The following RIF1 variants were observed in gnomAD, a reference collection of about 807,000 sequenced individuals.
RIF1 encodes telomere-associated protein RIF1.
A neutral mutation model predicts 247.1 loss-of-function variants in RIF1; 45 were observed. That is an observed-to-expected ratio of 0.18 (90% CI 0.14 to 0.23). The LOEUF (loss-of-function observed/expected upper bound fraction) is 0.23, where lower values mean the gene tolerates loss of function less well. RIF1 is among the 10% of genes least tolerant of loss of function. The pLI, the probability that RIF1 is intolerant of heterozygous loss-of-function variation, is 1.00. For synonymous variants in RIF1, 1,087 were observed against 978.8 expected, an observed-to-expected ratio of 1.11 and a Z score of -2.06; for missense variants, 2,967 against 2,862.5, an observed-to-expected ratio of 1.04 and a Z score of -0.83.
At chr2:151,528,504 T>C in the RIF1 span, among the ~76,000 whole-genome samples, 1 of 152,206 alleles carries the variant, frequency 6.6e-6, no homozygotes, top group Admixed American at 6.5e-5. Context: ...TTATCTCACA[T>C]CTGTCCTTCT....
chr2:151,461,027 T>C (rs1696074408), intron 26 of RIF1, 111 bp from the exon 27 acceptor site: 1 of 1,001,958 alleles, frequency 1.0e-6, no homozygotes, highest in South Asian at 1.6e-5. Context: ...TATCATCAAC[T>C]TTCATAATCA....
At chr2:151,420,757 C>G (rs1483459092) in intron 7 of RIF1, among the ~76,000 whole-genome samples, 1 of 138,350 alleles carries the variant, frequency 7.2e-6, no homozygotes, top group Admixed American at 7.1e-5. Context: ...AAAAAAAAAT[C>G]TGTCTGGGCA....
In RIF1 at chr2:151,501,018, T is replaced by C. The variant is rs149636338; in HGVS notation, c.*709+1478T>C. Among the ~76,000 whole-genome samples, 4 of 152,334 alleles carry C rather than the reference T, an allele frequency of 2.6e-5. No homozygotes were observed. The South Asian group carries it at 6.2e-4, about 24-fold the overall frequency. On this transcript the variant is annotated intron_variant and NMD_transcript_variant, in intron 11 of 13. Transcript: ENST00000454583. ...TCCTAAGGAAGAGCCACCATTTCTA[T>C]ATGTGGCTTCAAGTCCAGTATCTTT...
intron 18 of RIF1, 31 bp downstream of exon 18, chr2:151,443,740 T>C: frequency 7.3e-7 from 1 of 1,366,598 alleles, no homozygotes; most frequent in Non-Finnish European, 9.6e-7. Context: ...GTATTTTGGA[T>C]AATAGACCTT....
At chr2:151,498,021 T>G (rs1357275571) in intron 10 of RIF1, 11 of 1,439,732 alleles carry the variant, frequency 7.6e-6, no homozygotes, top group Middle Eastern at 3.6e-4. Flanking sequence ...GAACTCGGTG[T>G]TGTTATCCAC....
chr2:151,437,124 G>T, intron 12 of RIF1, 117 bp from the exon 13 acceptor site: 1 of 1,218,094 alleles, frequency 8.2e-7, no homozygotes, highest in South Asian at 1.5e-5. Context: ...TATGAAATAT[G>T]AATCTTTTTT....
At chr2:151,419,218 G>T (rs916794042) in intron 6 of RIF1, among the ~76,000 whole-genome samples, 17 of 151,596 alleles carry the variant, frequency 1.1e-4, no homozygotes, top group Admixed American at 9.9e-4. Flanking sequence ...AATACAAGTA[G>T]GAGTAAACTC....
chr2:151,518,899 G>T, the RIF1 span: 2 of 1,069,454 alleles, frequency 1.9e-6, no homozygotes, highest in Non-Finnish European at 2.9e-6. Flanking sequence ...ATGCATCTGG[G>T]CTCAGAAAGA....
At chr2:151,492,582 G>T in intron 9 of RIF1, 1 of 953,998 alleles carries the variant, frequency 1.0e-6, no homozygotes, top group Non-Finnish European at 1.6e-6. Flanking sequence ...GATAGGAGCT[G>T]GTGAGGGACG....
intron 9 of RIF1, chr2:151,492,098 C>G (rs765021842): frequency 6.2e-7 from 1 of 1,613,808 alleles, no homozygotes; most frequent in Non-Finnish European, 8.5e-7. Context: ...GCTCAGTTAC[C>G]TGTAATAGTC....
Position 151,464,052 on chromosome 2 carries a change from T to C in RIF1, c.4532T>C (p.Ile1511Thr). 2 of 1,612,696 alleles carry C rather than the reference T, an allele frequency of 1.2e-6. No homozygotes were observed. Among genetic ancestry groups the C allele is most frequent in the Non-Finnish European group, 8.5e-7 (1 of 1,179,650 alleles). The change falls in exon 30 of 36, where the codon ATT (isoleucine) becomes ACT (threonine). Residue 1511 changes from isoleucine to threonine, a missense_variant. Ile to Thr is a moderately conservative substitution (Grantham distance 89, BLOSUM62 -1). This residue lies in a region of RIF1 where 2,028 missense variants were observed against 1,825.6 expected (regional missense o/e 1.11). Transcript: ENST00000444746. ...AAAAAAAAGGCAGACCCTGAGAACA[T>C]TAAGTCTGAGGGGGATGGTACCCAG... ...QNKKKADPEN[I>T]KSEGDGTQDI...
chr2:151,446,318 C>A, intron 19 of RIF1, 108 bp from the exon 20 acceptor site: 4 of 1,040,674 alleles, frequency 3.8e-6, no homozygotes, highest in South Asian at 1.4e-5. Flanking sequence ...TTTTTTGACA[C>A]ACTAAATGTT....
chr2:151,420,681 G>C (rs997407883), intron 7 of RIF1, among the ~76,000 whole-genome samples: 2 of 147,676 alleles, frequency 1.4e-5, no homozygotes, highest in African/African-American at 5.0e-5. Flanking sequence ...GCTGCAGTGA[G>C]CTATGATCTC....
chr2:151,442,621 A>G (rs1692532104), intron 16 of RIF1, among the ~76,000 whole-genome samples: 1 of 152,120 alleles, frequency 6.6e-6, no homozygotes, highest in East Asian at 1.9e-4. Context: ...ATTGGAAGCT[A>G]ATGTAAAATG....
In RIF1 at chr2:151,446,650, G is replaced by T; in HGVS notation, c.2244+75G>T. The T allele has an allele frequency of 4.2e-6, 6 of 1,436,188 alleles. No individual in the cohort carries two copies. The Middle Eastern group carries it at 5.3e-4, about 126-fold the overall frequency. 89.0% of individuals were successfully genotyped at this position (1,436,188 alleles called of 1,614,324 possible). A position where few individuals can be genotyped will look rare whatever the true frequency, so the allele number is the denominator to read the frequency against. ...TTTCAAGTAAATGGAGATAATATTT[G>T]TGAACTGTCACCTATTACTGCCTCT... On this transcript the variant is annotated intron_variant, in intron 20 of 35. Transcript: ENST00000444746.
At position 151,415,345 on chromosome 2, in the gene RIF1, C is replaced by CAAAAA. The variant is rs34015306; in HGVS notation, c.280+434_280+438dup. Reference sequence around the variant, plus strand: ...CTGGGTGATAAGTGAGACCCCATCTCAAAAAAAAAAAAGAATGTTTAGATT... The same window carrying CAAAAA: ...CTGGGTGATAAGTGAGACCCCATCTCAAAAAAAAAAAAAAAAAGAATGTTTAGATT... On this transcript the variant is annotated intron_variant, in intron 4 of 35. Transcript: ENST00000444746. Among the ~76,000 whole-genome samples, 297 of 136,600 alleles carry CAAAAA rather than the reference C, an allele frequency of 2.2e-3. 6 individuals are homozygous for CAAAAA. In the East Asian group the frequency reaches 0.044, roughly 20 times the overall value. 89.6% of individuals were successfully genotyped at this position (136,600 alleles called of 152,430 possible). A position where few individuals can be genotyped will look rare whatever the true frequency, so the allele number is the denominator to read the frequency against.
intron 22 of RIF1, among the ~76,000 whole-genome samples, chr2:151,455,914 T>C (rs1442706333): frequency 6.6e-6 from 1 of 152,204 alleles, no homozygotes; most frequent in East Asian, 1.9e-4. Flanking sequence ...ACATACATGT[T>C]TTTCTAGTGT....
At chr2:151,431,643 C>T (rs534030148) in intron 9 of RIF1, among the ~76,000 whole-genome samples, 2 of 152,198 alleles carry the variant, frequency 1.3e-5, no homozygotes, top group East Asian at 3.9e-4. Context: ...CAAAGTTGGA[C>T]GGGCATGGTG....
chr2:151,522,677 A>C, the RIF1 span, among the ~76,000 whole-genome samples: 1 of 152,232 alleles, frequency 6.6e-6, no homozygotes, highest in Non-Finnish European at 1.5e-5. Flanking sequence ...AATGCCAAGA[A>C]AGTAGACAAG....
Sources: gnomAD v4.1 joint callset for allele counts (sites outside exome capture counted in the v4.1 genomes callset) on GRCh38, gnomAD v4.1.1 for gene constraint, gnomAD v4.1.1 regional missense constraint, MANE v1.5 for transcripts, NCBI Gene and HGNC (gene_info 2026-07-23, HGNC 2026-07-21) for gene names.